The following SVEP1 variants were observed in gnomAD, a reference collection of about 807,000 sequenced individuals.
SVEP1 encodes sushi, von Willebrand factor type A, EGF and pentraxin domain containing 1.
Under a neutral mutation model 367.3 loss-of-function variants are expected in SVEP1, and 164 were observed. The ratio of observed to expected loss-of-function variants is 0.45; its 90% CI spans 0.39 to 0.51. SVEP1 has a LOEUF of 0.51. Among genes scored for constraint, SVEP1 ranks in the 20% least tolerant of loss-of-function variants. SVEP1 has a pLI of 0.00. For missense variants in SVEP1, 4,117 were observed against 4,425.3 expected, an observed-to-expected ratio of 0.93 and a Z score of 1.98; for synonymous variants, 1,666 against 1,611.6, an observed-to-expected ratio of 1.03 and a Z score of -0.81.
At chr9:110,424,954 G>A (rs535317815) in intron 36 of SVEP1, among the ~76,000 whole-genome samples, 4 of 152,186 alleles carry the variant, frequency 2.6e-5, no homozygotes, top group Non-Finnish European at 4.4e-5. Flanking sequence ...GATTACAGGC[G>A]TGAGCCACCA....
intron 36 of SVEP1, among the ~76,000 whole-genome samples, chr9:110,418,902 G>A (rs1277549159): frequency 1.8e-5 from 2 of 110,402 alleles, no homozygotes; most frequent in Non-Finnish European, 4.0e-5. Flanking sequence ...ATACTTTATA[G>A]ACAAGCAAAT....
intron 41 of SVEP1, among the ~76,000 whole-genome samples, chr9:110,389,278 C>T (rs928081493): frequency 1.3e-5 from 2 of 152,124 alleles, no homozygotes; most frequent in African/African-American, 4.8e-5. Context: ...TTTAAACAAA[C>T]TGTTTGCCAT....
At chr9:110,394,007 T>C (rs1374979492) in intron 40 of SVEP1, among the ~76,000 whole-genome samples, 2 of 152,174 alleles carry the variant, frequency 1.3e-5, no homozygotes, top group African/African-American at 2.4e-5. Flanking sequence ...TTGAAGAGAA[T>C]AATGGTTCTC....
chr9:110,487,896 C>T (rs1461051103), intron 9 of SVEP1, among the ~76,000 whole-genome samples: 1 of 152,180 alleles, frequency 6.6e-6, no homozygotes, highest in Non-Finnish European at 1.5e-5. Context: ...ACCCAACCAG[C>T]TTGGGTTCAG....
intron 32 of SVEP1, among the ~76,000 whole-genome samples, chr9:110,431,500 T>C (rs1314527855): frequency 1.3e-5 from 2 of 152,170 alleles, no homozygotes; most frequent in East Asian, 3.8e-4. Flanking sequence ...GGAGGCAAGA[T>C]GTCTATTTTT....
chr9:110,570,930 G>A (rs937727483), intron 1 of SVEP1, among the ~76,000 whole-genome samples: 5 of 149,428 alleles, frequency 3.3e-5, no homozygotes, highest in African/African-American at 4.9e-5. Context: ...ATTTCTTGAC[G>A]TCATCTCCCT....
At chr9:110,464,309 C>G (rs986506898) in intron 18 of SVEP1, among the ~76,000 whole-genome samples, 4 of 152,220 alleles carry the variant, frequency 2.6e-5, no homozygotes, top group African/African-American at 9.6e-5. Flanking sequence ...TTCAGTGAAA[C>G]TATTAGGTTG....
intron 1 of SVEP1, among the ~76,000 whole-genome samples, chr9:110,573,951 G>C (rs1447640829): frequency 1.3e-5 from 2 of 152,146 alleles, no homozygotes; most frequent in Non-Finnish European, 2.9e-5. Flanking sequence ...AGAGTGCTAG[G>C]GGGTGGTTCT....
At chr9:110,376,944 C>T (rs1485982837) in intron 45 of SVEP1, 1 of 201,350 alleles carries the variant, frequency 5.0e-6, no homozygotes, top group East Asian at 1.1e-4. Flanking sequence ...CAATGACTGA[C>T]ATAGCACATA....
At chr9:110,553,922 A>T (rs892493741) in intron 1 of SVEP1, among the ~76,000 whole-genome samples, 2 of 152,156 alleles carry the variant, frequency 1.3e-5, no homozygotes, top group African/African-American at 4.8e-5. Flanking sequence ...CAAGCCTATT[A>T]AATATTCTCA....
chr9:110,533,616 A>G (rs1830047795), intron 3 of SVEP1, among the ~76,000 whole-genome samples: 1 of 105,670 alleles, frequency 9.5e-6, no homozygotes, highest in South Asian at 3.6e-4. Context: ...GTGCACGCAC[A>G]CGTGTGTGTG....
chr9:110,387,534 GA>G (rs1827544434), intron 41 of SVEP1, 76 bp from the exon 42 acceptor site: 2 of 1,388,790 alleles, frequency 1.4e-6, no homozygotes, highest in East Asian at 4.9e-5. Flanking sequence ...GATTGCCAAA[GA>G]TATTTCATGG....
chr9:110,426,433 A>G (rs909918838), intron 36 of SVEP1, among the ~76,000 whole-genome samples: 1 of 152,098 alleles, frequency 6.6e-6, no homozygotes, highest in South Asian at 2.1e-4. Flanking sequence ...CACAATATCC[A>G]TAAGTATGAA....
At chr9:110,545,431 AATT>A (rs1830208045) in intron 3 of SVEP1, among the ~76,000 whole-genome samples, 2 of 152,194 alleles carry the variant, frequency 1.3e-5, no homozygotes, top group South Asian at 4.1e-4. Context: ...CATCATTTGT[AATT>A]TTTTGTCTTT....
intron 40 of SVEP1, among the ~76,000 whole-genome samples, chr9:110,400,584 C>A (rs1407010078): frequency 2.0e-5 from 3 of 152,200 alleles, no homozygotes; most frequent in Non-Finnish European, 4.4e-5. Context: ...CCAGACTGGT[C>A]TTGAACTTCT....
intron 24 of SVEP1, among the ~76,000 whole-genome samples, chr9:110,448,162 T>C (rs74582006): frequency 6.9e-5 from 3 of 43,204 alleles, no homozygotes; most frequent in African/African-American, 1.0e-4. Flanking sequence ...CGTGTGTGTG[T>C]GCGCGCGCTC....
chr9:110,495,277 T>C (rs1829428769), intron 8 of SVEP1, among the ~76,000 whole-genome samples: 1 of 152,200 alleles, frequency 6.6e-6, no homozygotes, highest in African/African-American at 2.4e-5. Flanking sequence ...CCCTGGAACC[T>C]GTGAACACGT....
At chr9:110,471,288 A>G in intron 16 of SVEP1, 76 bp downstream of exon 16, 1 of 1,159,414 alleles carries the variant, frequency 8.6e-7, no homozygotes, top group Non-Finnish European at 1.2e-6. Flanking sequence ...ATCCCTTTAT[A>G]GTTGTAAAAT....
chr9:110,375,485 A>G, intron 45 of SVEP1, 22 bp from the exon 46 acceptor site: 2 of 1,490,750 alleles, frequency 1.3e-6, no homozygotes, highest in East Asian at 5.0e-5. Context: ...AAAAAAAAAA[A>G]AAAAAGGAGG....
Sources: allele counts gnomAD v4.1 joint callset (sites outside exome capture counted in the v4.1 genomes callset), GRCh38; gene constraint gnomAD v4.1.1; transcripts MANE v1.5; gene names NCBI Gene and HGNC (gene_info 2026-07-23, HGNC 2026-07-21).